KCNB2: variants seen among roughly 807,000 people sequenced by gnomAD.
The protein encoded by KCNB2 is potassium voltage-gated channel subfamily B member 2.
Under a neutral mutation model 61.5 loss-of-function variants are expected in KCNB2, and 15 were observed. That is an observed-to-expected ratio of 0.24 (90% CI 0.16 to 0.38). The LOEUF (loss-of-function observed/expected upper bound fraction) is 0.38, where lower values mean the gene tolerates loss of function less well. Among genes scored for constraint, KCNB2 ranks in the 10% least tolerant of loss-of-function variants. The probability of loss-of-function intolerance (pLI) is 1.00; values close to 1 mark genes in which losing one functional copy is unlikely to be tolerated. For missense variants in KCNB2, 828 were observed against 1,125.2 expected (o/e 0.74, Z 3.78); for synonymous variants, 457 against 446.0 (o/e 1.02, Z -0.31).
At chr8:72,698,084 A>G (rs767822597) in intron 2 of KCNB2, among the ~76,000 whole-genome samples, 14 of 152,170 alleles carry the variant, frequency 9.2e-5, no homozygotes, top group South Asian at 2.1e-4. Flanking sequence ...CTCACTAACA[A>G]TATGATTCTA....
intron 2 of KCNB2, among the ~76,000 whole-genome samples, chr8:72,773,951 A>C (rs1051843662): frequency 6.6e-6 from 1 of 152,208 alleles, no homozygotes; most frequent in Non-Finnish European, 1.5e-5. Flanking sequence ...TCTTAAAAAG[A>C]GTATCATTCA....
At chr8:72,672,554 G>A (rs1363792520) in intron 2 of KCNB2, among the ~76,000 whole-genome samples, 1 of 151,946 alleles carries the variant, frequency 6.6e-6, no homozygotes, top group Admixed American at 6.6e-5. Flanking sequence ...TATCATAATT[G>A]GTCCTATTAT....
chr8:72,641,045 T>A (rs1806047622), intron 2 of KCNB2, among the ~76,000 whole-genome samples: 1 of 152,054 alleles, frequency 6.6e-6, no homozygotes, highest in Non-Finnish European at 1.5e-5. Flanking sequence ...AAAGGGACAA[T>A]GAGAATTTTG....
chr8:72,666,409 A>C (rs2128987769), intron 2 of KCNB2, among the ~76,000 whole-genome samples: 1 of 152,274 alleles, frequency 6.6e-6, no homozygotes, highest in African/African-American at 2.4e-5. Flanking sequence ...TTCTCTAAAA[A>C]CTTTAGGAGA....
At chr8:72,922,265 G>A (rs7816862) in intron 2 of KCNB2, among the ~76,000 whole-genome samples, 30,531 of 152,038 alleles carry the variant, frequency 0.2, 3,429 homozygotes, top group Admixed American at 0.28. Context: ...CTGGTCATTG[G>A]ATTTAGGGCC....
chr8:72,680,745 C>T (rs1435996981), intron 2 of KCNB2, among the ~76,000 whole-genome samples: 4 of 152,082 alleles, frequency 2.6e-5, no homozygotes, highest in Non-Finnish European at 5.9e-5. Context: ...ATGCCAGGCC[C>T]TCAGAAATGC....
intron 2 of KCNB2, among the ~76,000 whole-genome samples, chr8:72,606,360 A>G (rs1805446757): frequency 6.6e-6 from 1 of 152,238 alleles, no homozygotes; most frequent in African/African-American, 2.4e-5. Flanking sequence ...AATCCAAGTA[A>G]AAGAAAATAC....
At chr8:72,925,531 A>T (rs1382699583) in intron 2 of KCNB2, among the ~76,000 whole-genome samples, 1 of 152,230 alleles carries the variant, frequency 6.6e-6, no homozygotes, top group African/African-American at 2.4e-5. Context: ...ATGTTTAAAC[A>T]TATGGAGAGA....
intron 2 of KCNB2, among the ~76,000 whole-genome samples, chr8:72,713,209 G>A (rs907307959): frequency 2.0e-5 from 3 of 152,262 alleles, no homozygotes; most frequent in African/African-American, 7.2e-5. Flanking sequence ...AGGCCTGCTT[G>A]CCTCTGTAGG....
At chr8:72,736,095 G>A (rs1807839882) in intron 2 of KCNB2, among the ~76,000 whole-genome samples, 1 of 152,050 alleles carries the variant, frequency 6.6e-6, no homozygotes, top group Non-Finnish European at 1.5e-5. Context: ...AAACTCACTT[G>A]ACAGCAAAAC....
chr8:72,584,499 CTTACCTT>C (rs1806966084), intron 2 of KCNB2, among the ~76,000 whole-genome samples: 2 of 152,164 alleles, frequency 1.3e-5, no homozygotes, highest in East Asian at 1.9e-4. Context: ...AAAAAAAACT[CTTACCTT>C]TTACTACTTC....
intron 2 of KCNB2, among the ~76,000 whole-genome samples, chr8:72,909,778 G>A (rs1806252952): frequency 6.6e-6 from 1 of 152,140 alleles, no homozygotes; most frequent in Non-Finnish European, 1.5e-5. Flanking sequence ...GATGATAAGG[G>A]AAGAAGAGAT....
At chr8:72,774,557 C>T (rs1808614998) in intron 2 of KCNB2, among the ~76,000 whole-genome samples, 1 of 152,084 alleles carries the variant, frequency 6.6e-6, no homozygotes, top group Non-Finnish European at 1.5e-5. Context: ...CACATGTTGG[C>T]CAGACTGGTC....
rs915104942 is a variant in KCNB2 at position 72,555,596 on chromosome 8, T to A, written c.-93-12046T>A. Among the ~76,000 whole-genome samples the A allele has an allele frequency of 4.3e-4, 65 of 151,590 alleles. 1 individual carries two copies. The highest frequency in any genetic ancestry group is 1.5e-3 in the African/African-American group (62 of 41,448). ...GAATCCAGAAAAACTAGTTCTTTCC[T>A]TGAAGAAAAAAAAAATGAAAAAAAC... On this transcript the variant is annotated intron_variant, in intron 1 of 2. Coordinates refer to ENST00000523207, the MANE Select transcript of KCNB2 (RefSeq NM_004770.3).
intron 2 of KCNB2, among the ~76,000 whole-genome samples, chr8:72,601,011 A>AT (rs1805343002): frequency 6.6e-6 from 1 of 151,890 alleles, no homozygotes; most frequent in Non-Finnish European, 1.5e-5. Context: ...AAAAAAAAAA[A>AT]GAAATTAAAA....
At chr8:72,542,308 C>T (rs1382823726) in intron 1 of KCNB2, among the ~76,000 whole-genome samples, 1 of 152,032 alleles carries the variant, frequency 6.6e-6, no homozygotes, top group Non-Finnish European at 1.5e-5. Context: ...ATTATTAGGT[C>T]TTACAGGTTC....
intron 2 of KCNB2, among the ~76,000 whole-genome samples, chr8:72,746,701 C>T (rs904561950): frequency 1.3e-5 from 2 of 152,108 alleles, no homozygotes; most frequent in African/African-American, 4.8e-5. Context: ...TGAACGGCTG[C>T]AATATATCTT....
chr8:72,798,011 T>C (rs948679100), intron 2 of KCNB2, among the ~76,000 whole-genome samples: 1 of 152,192 alleles, frequency 6.6e-6, no homozygotes, highest in Non-Finnish European at 1.5e-5. Flanking sequence ...TTCCCTACCA[T>C]TTCCCTTCTT....
chr8:72,706,090 A>G (rs1438369738), intron 2 of KCNB2, among the ~76,000 whole-genome samples: 2 of 152,214 alleles, frequency 1.3e-5, no homozygotes, highest in Non-Finnish European at 2.9e-5. Context: ...CTCCCAGAGA[A>G]GGCCCCTCCA....
Sources: gnomAD v4.1 joint callset for allele counts (sites outside exome capture counted in the v4.1 genomes callset) on GRCh38, gnomAD v4.1.1 for gene constraint, MANE v1.5 for transcripts, NCBI Gene and HGNC (gene_info 2026-07-23, HGNC 2026-07-21) for gene names.